The following MBP variants were observed in gnomAD, a reference collection of about 807,000 sequenced individuals.
MBP encodes Golli-MBP.
A neutral mutation model predicts 35.8 loss-of-function variants in MBP; 16 were observed. The observed-to-expected ratio is 0.45, with a 90% CI of 0.30 to 0.68. The LOEUF (loss-of-function observed/expected upper bound fraction) is 0.68. Ranked by LOEUF, MBP falls within the 30% of genes least tolerant of loss-of-function variation. The probability of loss-of-function intolerance (pLI) is 0.08; values close to 1 mark genes in which losing one functional copy is unlikely to be tolerated. For missense variants in MBP, 380 were observed against 404.7 expected (o/e 0.94, Z 0.52); for synonymous variants, 143 against 159.6 (o/e 0.90, Z 0.78).
At chr18:77,112,128 C>G (rs1271466029) in intron 1 of MBP, among the ~76,000 whole-genome samples, 1 of 151,658 alleles carries the variant, frequency 6.6e-6, no homozygotes, top group African/African-American at 2.4e-5. Context: ...TACACAGCTA[C>G]CAACGTCACC....
intron 3 of MBP, among the ~76,000 whole-genome samples, chr18:77,053,402 C>T (rs535631388): frequency 1.3e-5 from 2 of 152,254 alleles, no homozygotes; most frequent in Non-Finnish European, 2.9e-5. Flanking sequence ...CGGTATGCTC[C>T]GCTACGGGGG....
rs993535600 is a variant in MBP, at chr18:76,988,112, C to T, written c.750+383G>A. 6.6e-7 allele frequency: 1 copy of T among 1,515,422 alleles called. No individual in the cohort carries two copies. The highest frequency in any genetic ancestry group is 1.2e-5 in the South Asian group (1 of 81,398). The allele number at this position is 1,515,422 out of a possible 1,614,324, so 93.9% of individuals were successfully genotyped here. ...GGGTCACTGAGACGGGCCAGCCAGTCCCACTTCCACATGCGGGTTCCTGGG... is the reference window on the plus strand; with the variant it reads ...GGGTCACTGAGACGGGCCAGCCAGTTCCACTTCCACATGCGGGTTCCTGGG... On this transcript the variant is annotated intron_variant, in intron 7 of 8. Transcript: ENST00000355994. The surrounding 1 kb of genome is among the most constrained non-coding windows in gnomAD (Gnocchi z 5.2).
At chr18:77,065,550 A>C (rs1193554777) in intron 3 of MBP, among the ~76,000 whole-genome samples, 1 of 152,196 alleles carries the variant, frequency 6.6e-6, no homozygotes. Flanking sequence ...AAAAAAGTAA[A>C]ATTCTGAAGA....
At chr18:77,065,950 T>G (rs976271540) in intron 3 of MBP, 3 of 224,796 alleles carry the variant, frequency 1.3e-5, no homozygotes, top group South Asian at 8.6e-5. Flanking sequence ...CTCGACCTCC[T>G]GGGCCCAAGT....
intron 2 of MBP, among the ~76,000 whole-genome samples, chr18:77,071,143 A>C (rs900649831): frequency 7.9e-5 from 12 of 152,216 alleles, no homozygotes; most frequent in African/African-American, 2.9e-4. Flanking sequence ...AGAGGAAAAC[A>C]CTTGCTTCGT....
chr18:77,050,151 C>G lies in MBP; in HGVS notation c.139+16147G>C, dbSNP rs145275558. 7.1e-3 allele frequency among the ~76,000 whole-genome samples: 1,078 copies of G among 152,310 alleles called. 13 individuals are homozygous for G. The highest frequency in any genetic ancestry group is 0.025 in the African/African-American group (1,035 of 41,562). ...TCTTTGAGTAATGCTATTCCAAATT[C>G]TTGTTCATCTCTTGACTTCAAGAAA... On this transcript the variant is annotated intron_variant, in intron 3 of 8. Transcript: ENST00000355994.
chr18:77,008,101 G>A (rs941511689), intron 4 of MBP, among the ~76,000 whole-genome samples: 4 of 152,126 alleles, frequency 2.6e-5, no homozygotes, highest in Admixed American at 2.6e-4. Context: ...GTGGAGCAGG[G>A]AACGGGGTAG....
chr18:77,099,320 G>A (rs934398394), intron 2 of MBP, among the ~76,000 whole-genome samples: 1 of 152,180 alleles, frequency 6.6e-6, no homozygotes, highest in African/African-American at 2.4e-5. Flanking sequence ...GCCACGTGTG[G>A]CCACCTAGCA....
At chr18:77,094,200 T>C (rs994155460) in intron 2 of MBP, among the ~76,000 whole-genome samples, 1 of 152,224 alleles carries the variant, frequency 6.6e-6, no homozygotes, top group Non-Finnish European at 1.5e-5. Flanking sequence ...GGTCTTGAAC[T>C]CCTGACCTCG....
intron 2 of MBP, among the ~76,000 whole-genome samples, chr18:77,074,892 A>C (rs1460796598): frequency 6.6e-6 from 1 of 152,354 alleles, no homozygotes; most frequent in East Asian, 1.9e-4. Flanking sequence ...ACAGCAACTA[A>C]ATAGAAAATT....
At chr18:77,007,298 G>A (rs568992285) in intron 4 of MBP, among the ~76,000 whole-genome samples, 1 of 152,326 alleles carries the variant, frequency 6.6e-6, no homozygotes, top group South Asian at 2.1e-4. Context: ...TCTCAGGGAC[G>A]AGAGAGGGAA....
chr18:77,125,346 C>G (rs1470317085), intron 1 of MBP, among the ~76,000 whole-genome samples: 1 of 152,084 alleles, frequency 6.6e-6, no homozygotes, highest in East Asian at 1.9e-4. Flanking sequence ...TTAAAAAGCA[C>G]AGATAATAAT....
At chr18:77,108,861 C>A (rs533634154) in intron 1 of MBP, 8 of 152,228 alleles carry the variant, frequency 5.3e-5, no homozygotes, top group Non-Finnish European at 1.0e-4. Flanking sequence ...TGATTTCATT[C>A]TCTAGGTAGT....
intron 2 of MBP, among the ~76,000 whole-genome samples, chr18:77,099,596 C>G (rs1356770703): frequency 6.6e-6 from 1 of 152,246 alleles, no homozygotes; most frequent in Non-Finnish European, 1.5e-5. Context: ...ACCTGGGGCT[C>G]CAGGCCTGGC....
intron 1 of MBP, among the ~76,000 whole-genome samples, chr18:77,124,791 G>C (rs1976998001): frequency 6.6e-6 from 1 of 152,208 alleles, no homozygotes; most frequent in South Asian, 2.1e-4. Flanking sequence ...GCCTCTGTCT[G>C]AATCATGCTA....
intron 2 of MBP, among the ~76,000 whole-genome samples, chr18:77,073,903 G>C (rs1974548368): frequency 6.6e-6 from 1 of 152,200 alleles, no homozygotes; most frequent in Non-Finnish European, 1.5e-5. Context: ...AGATCACCAT[G>C]ATATCTGTTA....
intron 3 of MBP, among the ~76,000 whole-genome samples, chr18:77,040,037 C>G (rs1972925997): frequency 6.6e-6 from 1 of 152,154 alleles, no homozygotes; most frequent in Non-Finnish European, 1.5e-5. Flanking sequence ...TTTATTGGTA[C>G]AAAATCACAT....
chr18:77,092,634 G>A (rs896539034), intron 2 of MBP, among the ~76,000 whole-genome samples: 1 of 151,990 alleles, frequency 6.6e-6, no homozygotes. Context: ...TGGCCTCCCC[G>A]CTGGCTGCCA....
At chr18:77,113,758 CCA>C (rs1976554673) in intron 1 of MBP, 2 of 152,632 alleles carry the variant, frequency 1.3e-5, no homozygotes, top group Non-Finnish European at 2.9e-5. Flanking sequence ...GTGACTTAGA[CCA>C]CGCACACAGA....
Sources: allele counts gnomAD v4.1 joint callset (sites outside exome capture counted in the v4.1 genomes callset), GRCh38; gene constraint gnomAD v4.1.1; non-coding constraint Gnocchi (gnomAD v3.1); transcripts MANE v1.5; gene names NCBI Gene and HGNC (gene_info 2026-07-23, HGNC 2026-07-21).